The following PXDNL variants were observed in gnomAD, a reference collection of about 807,000 sequenced individuals.
PXDNL encodes peroxidasin like, also known as probable oxidoreductase PXDNL.
In PXDNL, 145 loss-of-function variants were observed where a neutral mutation model predicts 150.8. The ratio of observed to expected loss-of-function variants is 0.96; its 90% confidence interval spans 0.84 to 1.10. PXDNL has a LOEUF of 1.10. PXDNL is among the 50% of genes least tolerant of loss of function. PXDNL has a pLI of 0.00. For missense variants in PXDNL, 2,087 were observed against 1,873.9 expected (o/e 1.11, Z -2.10); for synonymous variants, 757 against 725.7 (o/e 1.04, Z -0.69).
At chr8:51,527,794 T>C (rs1468723274) in intron 4 of PXDNL, among the ~76,000 whole-genome samples, 10 of 152,150 alleles carry the variant, frequency 6.6e-5, no homozygotes, top group African/African-American at 1.7e-4. Flanking sequence ...TGGGAATCCA[T>C]GATGGAGAGA....
intron 4 of PXDNL, among the ~76,000 whole-genome samples, chr8:51,551,999 TC>T (rs1812498709): frequency 6.6e-6 from 1 of 151,890 alleles, no homozygotes; most frequent in African/African-American, 2.4e-5. Context: ...AGTAATCCCA[TC>T]AAAAAGTGTG....
chr8:51,669,632 C>A (rs1039348348), intron 1 of PXDNL, among the ~76,000 whole-genome samples: 3 of 152,230 alleles, frequency 2.0e-5, no homozygotes, highest in African/African-American at 4.8e-5. Context: ...CACATACACA[C>A]AACACACACT....
In PXDNL at chr8:51,618,614, G is replaced by A. The variant is rs567574650; in HGVS notation, c.237-25916C>T. Among the ~76,000 whole-genome samples, 16 of 152,332 alleles carry A rather than the reference G, an allele frequency of 1.1e-4. 1 individual carries two copies. The South Asian group carries it at 3.3e-3, about 32-fold the overall frequency. On this transcript the variant is annotated intron_variant, in intron 2 of 22. Transcript: ENST00000356297. ...GTCAGTGCCTGGGGCCTCTCCCAGG[G>A]AGGAGCAGGTTTGCAGAAGAATAAA...
At chr8:51,490,649 TATATATACAC>T (rs1300483813) in intron 5 of PXDNL, among the ~76,000 whole-genome samples, 1 of 149,640 alleles carries the variant, frequency 6.7e-6, no homozygotes, top group Non-Finnish European at 1.5e-5. Flanking sequence ...TATATATACA[TATATATACAC>T]ATATATACAT....
rs146012141 is a variant in PXDNL, at chr8:51,636,773, A to C, written c.236+17916T>G. The stretch of plus-strand genomic sequence containing the variant: ...AACTACCAAAGTGATACACAGATGT[A>C]ATACAATCCTTATAAAATTTCCAAT... On this transcript the variant is annotated intron_variant, in intron 2 of 22. Coordinates refer to ENST00000356297, the MANE Select transcript of PXDNL (RefSeq NM_144651.5). Among the ~76,000 whole-genome samples, 34 of 152,160 alleles carry C rather than the reference A, an allele frequency of 2.2e-4. 1 individual carries two copies. The East Asian group carries it at 6.0e-3, about 27-fold the overall frequency.
intron 9 of PXDNL, among the ~76,000 whole-genome samples, chr8:51,456,117 C>T (rs1294025607): frequency 6.6e-6 from 1 of 152,096 alleles, no homozygotes. Flanking sequence ...CTTACCATGC[C>T]CTCCTGTTTG....
chr8:51,365,818 T>C (rs28890224), intron 19 of PXDNL, among the ~76,000 whole-genome samples: 1,915 of 152,290 alleles, frequency 0.013, 34 homozygotes, highest in African/African-American at 0.044. Context: ...GAGGAGGTTT[T>C]TAAACAAAAT....
chr8:51,575,017 T>A (rs1017145685), intron 3 of PXDNL, among the ~76,000 whole-genome samples: 2 of 152,086 alleles, frequency 1.3e-5, no homozygotes, highest in Admixed American at 6.6e-5. Flanking sequence ...ACCTTTTCTC[T>A]TCAGCATCCT....
rs1189671068 is a variant in PXDNL at position 51,475,051 on chromosome 8, C to T, written c.615G>A (p.Gln205=). 9 of 1,613,748 alleles carry T rather than the reference C, an allele frequency of 5.6e-6. No individual in the cohort carries two copies. Among genetic ancestry groups the T allele is most frequent in the Non-Finnish European group, 7.6e-6 (9 of 1,179,792 alleles). The change falls in exon 7 of 23, where the codon CAG becomes CAA. Residue 205 remains glutamine (Q), a synonymous_variant. Transcript: ENST00000356297. ...TGGGATATTCGCAGGTAGCCGCAGCCTGGGTGTGGCCGTGTTGGGCAAAGC... is the reference window on the plus strand; with the variant it reads ...TGGGATATTCGCAGGTAGCCGCAGCTTGGGTGTGGCCGTGTTGGGCAAAGC... ...LQGFAQHGHT[Q]AAATCEYPRR...
intron 19 of PXDNL, among the ~76,000 whole-genome samples, chr8:51,357,641 G>T (rs942506681): frequency 1.3e-5 from 2 of 152,204 alleles, no homozygotes; most frequent in Non-Finnish European, 1.5e-5. Flanking sequence ...CATGGGCAGA[G>T]AAATTAACCC....
At chr8:51,497,685 C>G (rs547700739) in intron 5 of PXDNL, among the ~76,000 whole-genome samples, 9 of 152,304 alleles carry the variant, frequency 5.9e-5, no homozygotes, top group African/African-American at 2.2e-4. Flanking sequence ...AAAAAATGCT[C>G]ATCATCATTG....
At chr8:51,414,350 C>T (rs1469853183) in intron 14 of PXDNL, among the ~76,000 whole-genome samples, 1 of 151,190 alleles carries the variant, frequency 6.6e-6, no homozygotes, top group Non-Finnish European at 1.5e-5. Flanking sequence ...ATCTATATAG[C>T]CTAGATTTTA....
At chr8:51,706,310 C>G (rs773268790) in intron 1 of PXDNL, among the ~76,000 whole-genome samples, 1 of 150,788 alleles carries the variant, frequency 6.6e-6, no homozygotes, top group Non-Finnish European at 1.5e-5. Flanking sequence ...ATAATGAGAG[C>G]GAAACTCCGT....
chr8:51,517,710 AACTG>A (rs1811574426), intron 4 of PXDNL, among the ~76,000 whole-genome samples: 1 of 152,182 alleles, frequency 6.6e-6, no homozygotes, highest in Non-Finnish European at 1.5e-5. Flanking sequence ...TCTTTTTCCT[AACTG>A]GTGACAAGCT....
At chr8:51,584,757 A>T (rs371703818) in intron 3 of PXDNL, among the ~76,000 whole-genome samples, 2 of 152,122 alleles carry the variant, frequency 1.3e-5, no homozygotes, top group African/African-American at 4.8e-5. Context: ...GTTGAATCTT[A>T]TATGTTCTGT....
chr8:51,543,034 C>G (rs1192283464), intron 4 of PXDNL, among the ~76,000 whole-genome samples: 2 of 152,116 alleles, frequency 1.3e-5, no homozygotes, highest in Non-Finnish European at 2.9e-5. Flanking sequence ...ATTATTATTT[C>G]AGAATCTGCT....
chr8:51,733,105 G>C (rs1176053881), intron 1 of PXDNL, among the ~76,000 whole-genome samples: 1 of 152,212 alleles, frequency 6.6e-6, no homozygotes, highest in Non-Finnish European at 1.5e-5. Flanking sequence ...TCACATGGTA[G>C]GTGCTCAGTA....
intron 1 of PXDNL, among the ~76,000 whole-genome samples, chr8:51,805,452 T>A (rs2037666201): frequency 6.8e-6 from 1 of 148,132 alleles, no homozygotes; most frequent in Admixed American, 6.8e-5. Context: ...ATATACAAAA[T>A]GATATATATA....
rs552103030 is a variant in PXDNL at position 51,499,948 on chromosome 8, G to A, written c.381-178C>T. The stretch of plus-strand genomic sequence containing the variant: ...TGTCTCTTCTGTTCGTCACAGTCCC[G>A]GGTCTAAAAACCTGATGTTCCAAAG... On this transcript the variant is annotated intron_variant, in intron 4 of 22. Transcript: ENST00000356297. Among the ~76,000 whole-genome samples the A allele has an allele frequency of 9.9e-5, 15 of 152,066 alleles. No individual in the cohort carries two copies. The East Asian group carries it at 2.3e-3, about 24-fold the overall frequency.
Sources: gnomAD v4.1 joint callset for allele counts (sites outside exome capture counted in the v4.1 genomes callset) on GRCh38, gnomAD v4.1.1 for gene constraint, MANE v1.5 for transcripts, NCBI Gene and HGNC (gene_info 2026-07-23, HGNC 2026-07-21) for gene names.